The following BMP1 variants were observed in gnomAD, a reference collection of about 807,000 sequenced individuals.
BMP1 encodes mammalian tolloid protein.
BMP1 carries 63 observed loss-of-function variants against 116.8 expected under a neutral mutation model. That is an observed-to-expected ratio of 0.54 (90% confidence interval 0.44 to 0.67). The LOEUF (loss-of-function observed/expected upper bound fraction) is 0.67. Ranked by LOEUF, BMP1 falls within the 30% of genes least tolerant of loss-of-function variation. BMP1 has a pLI of 0.00. For missense variants in BMP1, 1,183 were observed against 1,358.9 expected (o/e 0.87, Z 2.04); for synonymous variants, 536 against 533.4 (o/e 1.00, Z -0.07).
chr8:22,197,350 C>A lies in BMP1; in HGVS notation c.2037C>A (p.Asn679Lys). The A allele has an allele frequency of 6.2e-7, 1 of 1,614,024 alleles. No individual in the cohort carries two copies. Among genetic ancestry groups the A allele is most frequent in the East Asian group, 2.2e-5 (1 of 44,876 alleles). Residue 679 changes from asparagine to lysine, a missense_variant, in exon 15 of 20, where the codon AAC (asparagine) becomes AAA (lysine). By Grantham distance (94) the Asn-to-Lys change is moderately conservative. Around this residue, in one of 4 missense-constraint regions of BMP1, gnomAD observed 956 missense variants for 1,135.2 expected, o/e 0.84. Transcript: ENST00000306385. The stretch of plus-strand genomic sequence containing the variant: ...CCGAGGTCATCACCTCCCAGTACAA[C>A]AACATGCGCGTGGAGTTCAAGTCCG... ...EKPEVITSQYNNMRVEFKSDN... is the reference protein window; with the variant it reads ...EKPEVITSQYKNMRVEFKSDN...
At chr8:22,199,467 G>A (rs990806479) in intron 15 of BMP1, 2 of 1,161,774 alleles carry the variant, frequency 1.7e-6, no homozygotes, top group Admixed American at 8.7e-5. Flanking sequence ...CCAGCTCCCA[G>A]GTGAGGCTGC....
chr8:22,206,452 A>C (rs1195991644), intron 16 of BMP1, among the ~76,000 whole-genome samples: 1 of 151,180 alleles, frequency 6.6e-6, no homozygotes, highest in Non-Finnish European at 1.5e-5. Context: ...CAGTGAGCCG[A>C]GATCACACCA....
intron 15 of BMP1, chr8:22,201,376 CG>C: frequency 1.4e-6 from 2 of 1,469,500 alleles, no homozygotes; most frequent in Non-Finnish European, 1.8e-6. Flanking sequence ...GTCCGCGGAC[CG>C]GGGACCCTTC....
chr8:22,175,967 A>T (rs1490107889), intron 2 of BMP1, among the ~76,000 whole-genome samples, 176 bp from the exon 3 acceptor site: 1 of 152,236 alleles, frequency 6.6e-6, no homozygotes, highest in African/African-American at 2.4e-5. Flanking sequence ...ACTGCTCTGC[A>T]AATGTCCACA....
In BMP1 at chr8:22,211,900, A is replaced by G. The variant is rs772766491; in HGVS notation, c.*172A>G. On this transcript the variant is annotated 3_prime_UTR_variant, in exon 20 of 20. Transcript: ENST00000306385. The stretch of plus-strand genomic sequence containing the variant: ...GGAGGTGGGGGAACTGGACTCCGGC[A>G]TAAGCCACTTCCCCACAAACCCCCA... The G allele has an allele frequency of 5.2e-6, 5 of 955,694 alleles. 1 individual carries two copies. The highest frequency in any genetic ancestry group is 3.4e-5 in the South Asian group (2 of 59,256). 59.2% of individuals were successfully genotyped at this position (955,694 alleles called of 1,614,324 possible).
At chr8:22,166,916 C>G (rs930260430) in intron 1 of BMP1, among the ~76,000 whole-genome samples, 1 of 152,168 alleles carries the variant, frequency 6.6e-6, no homozygotes, top group African/African-American at 2.4e-5. Context: ...GCTTTCAATC[C>G]TGACCCTGCT....
In BMP1 at chr8:22,194,332, A is replaced by C; in HGVS notation, c.1298-113A>C. ...CCTGGGACTGGGGGTTTGGTGGGGA[A>C]CTGAAAAGCTGGGGGACATGGGAGG... On this transcript the variant is annotated intron_variant, in intron 10 of 19. Coordinates refer to ENST00000306385, the MANE Select transcript of BMP1 (RefSeq NM_006129.5). The surrounding 1 kb of genome is among the most constrained non-coding windows in gnomAD (Gnocchi z 4.5). 1 of 1,489,008 alleles carries C rather than the reference A, an allele frequency of 6.7e-7. No homozygotes were observed. Among genetic ancestry groups the C allele is most frequent in the South Asian group, 1.2e-5 (1 of 80,094 alleles). The allele number at this position is 1,489,008 out of a possible 1,614,324, so 92.2% of individuals were successfully genotyped here.
intron 7 of BMP1, among the ~76,000 whole-genome samples, chr8:22,180,106 C>T (rs901373995): frequency 6.6e-5 from 10 of 152,040 alleles, no homozygotes; most frequent in Non-Finnish European, 1.0e-4. Flanking sequence ...GGCACGGAGC[C>T]CCACCAAGGG....
chr8:22,183,463 C>G (rs759943392), intron 8 of BMP1, among the ~76,000 whole-genome samples: 10 of 152,110 alleles, frequency 6.6e-5, no homozygotes, highest in Non-Finnish European at 1.2e-4. Context: ...TTTCTACCAG[C>G]TATGCCTTGG....
chr8:22,196,344 T>A, intron 13 of BMP1: 1 of 581,234 alleles, frequency 1.7e-6, no homozygotes, highest in Admixed American at 2.0e-5. Flanking sequence ...TTCCTGCACC[T>A]CCCAGGACCG....
At chr8:22,166,864 G>A (rs1828128316) in intron 1 of BMP1, among the ~76,000 whole-genome samples, 1 of 152,166 alleles carries the variant, frequency 6.6e-6, no homozygotes, top group South Asian at 2.1e-4. Context: ...TGGGTACAGG[G>A]CAGAGTGGAC....
intron 1 of BMP1, 139 bp downstream of exon 1, chr8:22,165,692 A>AG (rs1408388020): frequency 1.1e-5 from 4 of 367,564 alleles, no homozygotes; most frequent in African/African-American, 3.0e-5. Context: ...CAAAAGAACG[A>AG]GGGGGAGAGG....
intron 12 of BMP1, 130 bp downstream of exon 12, chr8:22,195,049 A>G: frequency 9.7e-7 from 1 of 1,032,986 alleles, no homozygotes; most frequent in Non-Finnish European, 1.4e-6. Flanking sequence ...TGTGCCCTTA[A>G]GGAGCTCTGG....
intron 8 of BMP1, among the ~76,000 whole-genome samples, chr8:22,181,045 G>A (rs895413297): frequency 1.1e-4 from 17 of 152,176 alleles, no homozygotes; most frequent in Admixed American, 8.5e-4. Context: ...TGATGCAGGC[G>A]CCTCCAGCAG....
At chr8:22,205,571 T>TCA (rs1829337795) in intron 16 of BMP1, among the ~76,000 whole-genome samples, 1 of 151,982 alleles carries the variant, frequency 6.6e-6, no homozygotes, top group Admixed American at 6.6e-5. Context: ...ATCCAGGAGT[T>TCA]TGACATCAGC....
intron 6 of BMP1, among the ~76,000 whole-genome samples, chr8:22,178,310 G>A (rs962787244): frequency 5.3e-5 from 8 of 152,212 alleles, no homozygotes; most frequent in Non-Finnish European, 1.0e-4. Flanking sequence ...TTTTGTTTGA[G>A]ACAGGATCTT....
rs1232985403 is a variant in BMP1 at position 22,197,409 on chromosome 8, A to T, written c.2096A>T (p.His699Leu). 7 of 1,609,254 alleles carry T rather than the reference A, an allele frequency of 4.3e-6. No homozygotes were observed. The highest frequency in any genetic ancestry group is 8.5e-7 in the Non-Finnish European group (1 of 1,176,030). The change falls in exon 15 of 20, where the codon CAC becomes CTC. Residue 699 changes from histidine (H) to leucine (L), a missense_variant. Transcript: ENST00000306385. ...NTVSKKGFKA[H>L]FFSDKDECSK... Reference sequence around the variant, plus strand: ...GTGTCCAAAAAGGGCTTCAAGGCCCACTTCTTCTCAGGTATCCCTGGACTG... The same window carrying T: ...GTGTCCAAAAAGGGCTTCAAGGCCCTCTTCTTCTCAGGTATCCCTGGACTG...
intron 8 of BMP1, 79 bp from the exon 9 acceptor site, chr8:22,191,970 C>A: frequency 1.5e-6 from 2 of 1,306,900 alleles, no homozygotes; most frequent in Admixed American, 1.7e-5. Flanking sequence ...GTAAGGCGGG[C>A]GGTGGTCATC....
intron 8 of BMP1, among the ~76,000 whole-genome samples, chr8:22,185,444 A>C (rs1268426617): frequency 6.6e-6 from 1 of 151,908 alleles, no homozygotes; most frequent in East Asian, 1.9e-4. Context: ...CAACAGAGTA[A>C]GACTCAGTCT....
Sources: gnomAD v4.1 joint callset for allele counts (sites outside exome capture counted in the v4.1 genomes callset) on GRCh38, gnomAD v4.1.1 for gene constraint, gnomAD v4.1.1 regional missense constraint, Gnocchi (gnomAD v3.1) non-coding constraint, MANE v1.5 for transcripts, NCBI Gene and HGNC (gene_info 2026-07-23, HGNC 2026-07-21) for gene names.